CYP3A4: variants seen among roughly 807,000 people sequenced by gnomAD.
CYP3A4 encodes the protein cytochrome P450 family 3 subfamily A member 4.
A neutral mutation model predicts 54.9 loss-of-function variants in CYP3A4; 41 were observed. That is an observed-to-expected ratio of 0.75 (90% CI 0.58 to 0.97). The LOEUF (loss-of-function observed/expected upper bound fraction) is 0.97, where lower values mean the gene tolerates loss of function less well. Ranked by LOEUF, CYP3A4 falls within the 50% of genes least tolerant of loss-of-function variation. The probability of loss-of-function intolerance (pLI) is 0.00; values close to 1 mark genes in which losing one functional copy is unlikely to be tolerated. For synonymous variants in CYP3A4, 179 were observed against 205.2 expected (o/e 0.87, Z 1.09); for missense variants, 510 against 597.3 (o/e 0.85, Z 1.52).
chr7:99,765,453 AGAT>A (rs1815451746), intron 9 of CYP3A4, among the ~76,000 whole-genome samples: 1 of 151,958 alleles, frequency 6.6e-6, no homozygotes, highest in African/African-American at 2.4e-5. Flanking sequence ...GATAAATGAT[AGAT>A]GATAGATGGA....
intron 1 of CYP3A4, among the ~76,000 whole-genome samples, chr7:99,780,379 G>A (rs1036893304): frequency 6.6e-6 from 1 of 152,152 alleles, no homozygotes; most frequent in African/African-American, 2.4e-5. Context: ...GATCCTGAGA[G>A]GTTCAGGCAG....
At chr7:99,779,947 C>T in intron 2 of CYP3A4, 45 bp downstream of exon 2, 1 of 1,564,060 alleles carries the variant, frequency 6.4e-7, no homozygotes, top group Non-Finnish European at 8.8e-7. Flanking sequence ...CTAAGCTGCT[C>T]TTGGCAATCA....
chr7:99,770,101 A>C (rs780915352), intron 5 of CYP3A4, 21 bp downstream of exon 5: 1 of 1,598,140 alleles, frequency 6.3e-7, no homozygotes, highest in Non-Finnish European at 8.6e-7. Flanking sequence ...TTTCTTATTA[A>C]AACTCATGTT....
intron 10 of CYP3A4, among the ~76,000 whole-genome samples, chr7:99,762,637 T>G (rs1371984841): frequency 6.6e-6 from 1 of 151,922 alleles, no homozygotes; most frequent in Non-Finnish European, 1.5e-5. Context: ...ATACAGAAAA[T>G]GTGGAGAGAA....
Position 99,757,842 on chromosome 7 carries a change from A to G in CYP3A4, c.*291T>C. Reference sequence around the variant, plus strand: ...AATGTTGATTCTCTTATCAGAGCTCAGGAGGAGTTAATGGTGCTAACTGGG... The same window carrying G: ...AATGTTGATTCTCTTATCAGAGCTCGGGAGGAGTTAATGGTGCTAACTGGG... On this transcript the variant is annotated 3_prime_UTR_variant, in exon 13 of 13. Transcript: ENST00000651514. The G allele has an allele frequency of 3.2e-6, 1 of 315,254 alleles. No homozygotes were observed. The highest frequency in any genetic ancestry group is 5.9e-6 in the Non-Finnish European group (1 of 168,092). 19.5% of individuals were successfully genotyped at this position (315,254 alleles called of 1,614,324 possible).
chr7:99,777,614 A>G (rs1483434114), intron 3 of CYP3A4, among the ~76,000 whole-genome samples: 1 of 151,996 alleles, frequency 6.6e-6, no homozygotes, highest in Non-Finnish European at 1.5e-5. Context: ...ACTCCGCAAA[A>G]CTACAAGCTT....
At chr7:99,779,137 A>T (rs891819046) in intron 2 of CYP3A4, among the ~76,000 whole-genome samples, 1 of 152,222 alleles carries the variant, frequency 6.6e-6, no homozygotes, top group African/African-American at 2.4e-5. Context: ...CACGTGGCAC[A>T]TATTATATTC....
At chr7:99,777,384 C>G (rs559163856) in intron 3 of CYP3A4, among the ~76,000 whole-genome samples, 119 of 152,152 alleles carry the variant, frequency 7.8e-4, no homozygotes, top group Non-Finnish European at 1.1e-3. Flanking sequence ...AACTTGACAC[C>G]TGGTGACACA....
chr7:99,777,643 C>A lies in CYP3A4; in HGVS notation c.218+385G>T, dbSNP rs1318200913. Among the ~76,000 whole-genome samples the A allele has an allele frequency of 2.0e-5, 3 of 152,056 alleles. 1 individual carries two copies. Among genetic ancestry groups the A allele is most frequent in the Admixed American group, 2.0e-4 (3 of 15,254 alleles). ...CAAGCTTGCACAAAGGCCATCCCAA[C>A]ATTAAAAAAAATATTTCTGCAAGGA... On this transcript the variant is annotated intron_variant, in intron 3 of 12. Coordinates refer to ENST00000651514, the MANE Select transcript of CYP3A4 (RefSeq NM_017460.6).
chr7:99,768,304 G>GTTATTT, intron 7 of CYP3A4, 50 bp downstream of exon 7: 1 of 1,568,882 alleles, frequency 6.4e-7, no homozygotes, highest in Middle Eastern at 1.7e-4. Flanking sequence ...CAATAAAGCA[G>GTTATTT]TTATTTTTAA....
At chr7:99,770,402 G>C (rs569189889) in intron 4 of CYP3A4, among the ~76,000 whole-genome samples, 167 bp from the exon 5 acceptor site, 10 of 147,734 alleles carry the variant, frequency 6.8e-5, no homozygotes, top group African/African-American at 2.5e-4. Flanking sequence ...CAGATGCCCA[G>C]TGTCCTGGGA....
At chr7:99,760,697 A>T in intron 12 of CYP3A4, 122 bp downstream of exon 12, 1 of 1,310,474 alleles carries the variant, frequency 7.6e-7, no homozygotes, top group Non-Finnish European at 1.0e-6. Flanking sequence ...GGCCTAATTG[A>T]TTCTTTGGCC....
At chr7:99,770,005 T>A (rs1815587728) in intron 5 of CYP3A4, 117 bp downstream of exon 5, 4 of 1,533,654 alleles carry the variant, frequency 2.6e-6, no homozygotes, top group Non-Finnish European at 2.7e-6. Context: ...AGACCATTTT[T>A]AGGCAGCTCA....
intron 3 of CYP3A4, 108 bp downstream of exon 3, chr7:99,777,920 G>T: frequency 1.2e-6 from 1 of 851,552 alleles, no homozygotes; most frequent in Non-Finnish European, 2.0e-6. Context: ...TAGTTAGGTT[G>T]ACAAGAGCTT....
rs59715127 is a variant in CYP3A4, at chr7:99,757,867, G to C, written c.*266C>G. On this transcript the variant is annotated 3_prime_UTR_variant, in exon 13 of 13. Transcript: ENST00000651514. The stretch of plus-strand genomic sequence containing the variant: ...AGGAGGAGTTAATGGTGCTAACTGG[G>C]GGTGGTGGAAATAGTCCCGTGAGAA... 2.6e-6 allele frequency: 1 copy of C among 385,452 alleles called. No individual in the cohort carries two copies. The highest frequency in any genetic ancestry group is 4.8e-5 in the East Asian group (1 of 20,876). The allele number at this position is 385,452 out of a possible 1,614,324, so 23.9% of individuals were successfully genotyped here. A position where few individuals can be genotyped will look rare whatever the true frequency, so the allele number is the denominator to read the frequency against.
chr7:99,765,537 TAGAC>T (rs1815457660), intron 9 of CYP3A4, among the ~76,000 whole-genome samples: 1 of 152,188 alleles, frequency 6.6e-6, no homozygotes, highest in Non-Finnish European at 1.5e-5. Context: ...GATAGATACA[TAGAC>T]ATACAGACAA....
At chr7:99,774,187 G>A (rs1012622675) in intron 3 of CYP3A4, among the ~76,000 whole-genome samples, 2 of 152,142 alleles carry the variant, frequency 1.3e-5, no homozygotes, top group African/African-American at 4.8e-5. Context: ...GTTTTGAATT[G>A]AGGCAATTAT....
chr7:99,763,838 A>G lies in CYP3A4; in HGVS notation c.1026+17T>C. 1 of 1,613,840 alleles carries G rather than the reference A, an allele frequency of 6.2e-7. No homozygotes were observed. The highest frequency in any genetic ancestry group is 8.5e-7 in the Non-Finnish European group (1 of 1,179,894). On this transcript the variant is annotated intron_variant, in intron 10 of 12. Transcript: ENST00000651514. ...GGTTTCACCTCCTCCCTCCTTCTCC[A>G]TGTACCATCCACTCACCTTATTGGG...
intron 2 of CYP3A4, among the ~76,000 whole-genome samples, chr7:99,778,808 C>T (rs1298326037): frequency 6.6e-6 from 1 of 152,104 alleles, no homozygotes; most frequent in Non-Finnish European, 1.5e-5. Flanking sequence ...ACTGTGCAAA[C>T]AAAGGTCCCA....
Sources: gnomAD v4.1 joint callset for allele counts (sites outside exome capture counted in the v4.1 genomes callset) on GRCh38, gnomAD v4.1.1 for gene constraint, MANE v1.5 for transcripts, NCBI Gene and HGNC (gene_info 2026-07-23, HGNC 2026-07-21) for gene names.